The following SKOR2 variants were observed in gnomAD, a reference collection of about 807,000 sequenced individuals.
SKOR2 encodes the protein SKI family transcriptional corepressor 2.
A neutral mutation model predicts 69.1 loss-of-function variants in SKOR2; 47 were observed. That is an observed-to-expected ratio of 0.68 (90% CI 0.54 to 0.87). The LOEUF (loss-of-function observed/expected upper bound fraction) is 0.87, where lower values mean the gene tolerates loss of function less well. Ranked by LOEUF, SKOR2 falls within the 40% of genes least tolerant of loss-of-function variation. The pLI is 0.00. For synonymous variants in SKOR2, 717 were observed against 672.6 expected (o/e 1.07, Z -1.02); for missense variants, 1,404 against 1,472.2 (o/e 0.95, Z 0.76).
At chr18:47,227,209 T>TTCC (rs1159937194) in intron 6 of SKOR2, among the ~76,000 whole-genome samples, 5 of 151,310 alleles carry the variant, frequency 3.3e-5, no homozygotes, top group Non-Finnish European at 5.9e-5. Context: ...CCCTCTACCC[T>TTCC]TCCTCCTCCT....
chr18:47,250,785 A>G (rs1360505702), intron 1 of SKOR2, among the ~76,000 whole-genome samples: 2 of 152,142 alleles, frequency 1.3e-5, no homozygotes, highest in Admixed American at 6.5e-5. Context: ...ATCAGAGACA[A>G]TATTTCCAGG....
rs1166401245 is a variant in SKOR2, at chr18:47,219,956, T to G, written c.2972A>C (p.Gln991Pro). 1 of 1,535,986 alleles carries G rather than the reference T, an allele frequency of 6.5e-7. No homozygotes were observed. The highest frequency in any genetic ancestry group is 8.7e-7 in the Non-Finnish European group (1 of 1,146,888). ...RELAYREEMV[Q>P]QLQIIPYAAS... ...AATGCAGCTTACAATTTGTAACTGT[T>G]GCACCATTTCTTCTCGGTAGGCTAG... Residue 991 changes from glutamine to proline, a missense_variant, in exon 7 of 9, where the codon CAA becomes CCA. Gln to Pro is a moderately conservative substitution (Grantham distance 76). Around this residue, in one of 3 missense-constraint regions of SKOR2, gnomAD observed 1,266 missense variants for 1,309.9 expected, o/e 0.97. Transcript: ENST00000425639.
At chr18:47,227,885 C>G (rs2064184212) in intron 6 of SKOR2, among the ~76,000 whole-genome samples, 1 of 152,190 alleles carries the variant, frequency 6.6e-6, no homozygotes, top group South Asian at 2.1e-4. Flanking sequence ...GAACTCAGGT[C>G]TGGTCGATTT....
rs1471370696 is a variant in SKOR2 at position 47,248,453 on chromosome 18, A to T, written c.731T>A (p.Leu244Gln). 3 of 1,359,094 alleles carry T rather than the reference A, an allele frequency of 2.2e-6. No individual in the cohort carries two copies. Among genetic ancestry groups the T allele is most frequent in the East Asian group, 4.0e-5 (1 of 24,838 alleles). 84.2% of individuals were successfully genotyped at this position (1,359,094 alleles called of 1,614,324 possible). The change falls in exon 2 of 9, where the codon CTG becomes CAG. Residue 244 changes from leucine to glutamine, a missense_variant. This residue lies in a region of SKOR2 where 1,266 missense variants were observed against 1,309.9 expected (regional missense o/e 0.97). Transcript: ENST00000425639. This position sits in a 1 kb window ranked among gnomAD's most constrained non-coding sequence, Gnocchi z 6.4. ...GGCGGGGTGCGCGCCCGGCTGGGGC[A>T]GTGCGCGCTTGCGGCTGCCGCCGTT... is the stretch of plus-strand genomic sequence containing the variant. ...MFNGGSRKRA[L>Q]PQPGAHPACH... is the part of the protein sequence containing the mutation.
intron 7 of SKOR2, among the ~76,000 whole-genome samples, chr18:47,218,494 G>A (rs1195317229): frequency 6.6e-6 from 1 of 151,170 alleles, no homozygotes; most frequent in Non-Finnish European, 1.5e-5. Flanking sequence ...GGAGGCTGAG[G>A]TGGGAGGATT....
At chr18:47,223,153 C>A (rs991848064) in intron 6 of SKOR2, among the ~76,000 whole-genome samples, 2 of 151,778 alleles carry the variant, frequency 1.3e-5, no homozygotes, top group Non-Finnish European at 2.9e-5. Context: ...TGCAACATGT[C>A]AAAGAATTAA....
At chr18:47,251,022 G>A (rs962668838) in intron 1 of SKOR2, among the ~76,000 whole-genome samples, 1 of 151,164 alleles carries the variant, frequency 6.6e-6, no homozygotes, top group Non-Finnish European at 1.5e-5. Flanking sequence ...AGCCTTAGCA[G>A]CAGTAGACCA....
chr18:47,223,356 A>G (rs974406954), intron 6 of SKOR2, among the ~76,000 whole-genome samples: 2 of 152,220 alleles, frequency 1.3e-5, no homozygotes, highest in Non-Finnish European at 2.9e-5. Context: ...TAAGTTGGCA[A>G]AGATTAAATG....
intron 8 of SKOR2, among the ~76,000 whole-genome samples, chr18:47,207,776 T>C (rs1456507501): frequency 6.6e-6 from 1 of 152,208 alleles, no homozygotes; most frequent in Non-Finnish European, 1.5e-5. Context: ...TTCGTAGTAA[T>C]TATTCCAGAA....
chr18:47,248,131 G>A lies in SKOR2; in HGVS notation c.1053C>T (p.Gly351=). ...ASGGAGTGGG[G]AGGGCVAGVG... ...CGCCGGCCACACAGCCACCCCCAGC[G>A]CCGCCCCCACCAGTCCCCGCGCCGC... is the stretch of plus-strand genomic sequence containing the variant. Residue 351 remains glycine (G), a synonymous_variant, in exon 2 of 9, where the codon GGC becomes GGT. Transcript: ENST00000425639. The surrounding 1 kb of genome is among the most constrained non-coding windows in gnomAD (Gnocchi z 6.4). 1 of 1,294,582 alleles carries A rather than the reference G, an allele frequency of 7.7e-7. No homozygotes were observed. The highest frequency in any genetic ancestry group is 9.7e-7 in the Non-Finnish European group (1 of 1,030,170). The allele number at this position is 1,294,582 out of a possible 1,614,324, so 80.2% of individuals were successfully genotyped here.
At position 47,248,255 on chromosome 18, in the gene SKOR2, C is replaced by T. The variant is rs953374576; in HGVS notation, c.929G>A (p.Arg310His). 5.7e-6 allele frequency: 7 copies of T among 1,221,518 alleles called. No individual in the cohort carries two copies. Among genetic ancestry groups the T allele is most frequent in the African/African-American group, 1.6e-5 (1 of 63,360 alleles). 75.7% of individuals were successfully genotyped at this position (1,221,518 alleles called of 1,614,324 possible). ...CAAGGAGTCGTCGTCGTCGTCGAAG[C>T]GCGGCCGCTTGTGATGGGCGTGCGG... Reference protein sequence around the residue: ...GAPHAHHKRPRFDDDDDSLQE... With the variant: ...GAPHAHHKRPHFDDDDDSLQE... Residue 310 changes from arginine (R) to histidine (H), a missense_variant, in exon 2 of 9, where the codon CGC becomes CAC. Around this residue, in one of 3 missense-constraint regions of SKOR2, gnomAD observed 1,266 missense variants for 1,309.9 expected, o/e 0.97. Coordinates refer to ENST00000425639, the MANE Select transcript of SKOR2 (RefSeq NM_001278063.4). The surrounding 1 kb of genome is among the most constrained non-coding windows in gnomAD (Gnocchi z 6.4).
intron 7 of SKOR2, among the ~76,000 whole-genome samples, chr18:47,219,477 G>T (rs2064154373): frequency 6.6e-6 from 1 of 151,848 alleles, no homozygotes; most frequent in African/African-American, 2.4e-5. Flanking sequence ...CATTTCATTT[G>T]GAAATCATTT....
intron 1 of SKOR2, among the ~76,000 whole-genome samples, chr18:47,250,778 A>G (rs1297586159): frequency 3.9e-5 from 6 of 152,278 alleles, no homozygotes; most frequent in African/African-American, 1.4e-4. Flanking sequence ...TGGGTGGATC[A>G]GAGACAATAT....
Position 47,247,724 on chromosome 18 carries a change from G to A in SKOR2, c.1460C>T (p.Pro487Leu), listed in dbSNP as rs1301179268. The change falls in exon 2 of 9, where the codon CCC becomes CTC. Residue 487 changes from proline to leucine, a missense_variant. This residue lies in a region of SKOR2 where 1,266 missense variants were observed against 1,309.9 expected (regional missense o/e 0.97). Transcript: ENST00000425639. The surrounding 1 kb of genome is among the most constrained non-coding windows in gnomAD (Gnocchi z 6.6). ...TAGCGCCGAGGGCGGCTGAGGCGGG[G>A]GCTGCAGGTAGGTGGGCACCGGGAG... ...GGLPVPTYLQ[P>L]PPQPPSALGC... 6.5e-5 allele frequency: 88 copies of A among 1,362,142 alleles called. No homozygotes were observed. The highest frequency in any genetic ancestry group is 8.0e-5 in the Non-Finnish European group (85 of 1,067,484). The allele number at this position is 1,362,142 out of a possible 1,614,324, so 84.4% of individuals were successfully genotyped here.
rs1254643415 is a variant in SKOR2, at chr18:47,230,484, T to C, written c.2892A>G (p.Lys964=). The change falls in exon 6 of 9, where the codon AAA becomes AAG. Residue 964 remains lysine, a synonymous_variant. Coordinates refer to ENST00000425639, the MANE Select transcript of SKOR2 (RefSeq NM_001278063.4). The stretch of plus-strand genomic sequence containing the variant: ...TGAATACTGGGAAAGATGTGTTTCC[T>C]TTTAACACCTGGAATTCTTGTTCCA... ...RRLEQEFQVL[K]GNTSFPVFNN... 15 of 1,452,648 alleles carry C rather than the reference T, an allele frequency of 1.0e-5. No individual in the cohort carries two copies. The highest frequency in any genetic ancestry group is 1.4e-5 in the Non-Finnish European group (15 of 1,110,178). 90.0% of individuals were successfully genotyped at this position (1,452,648 alleles called of 1,614,324 possible). A position where few individuals can be genotyped will look rare whatever the true frequency, so the allele number is the denominator to read the frequency against.
At chr18:47,238,141 C>T (rs921562899) in intron 4 of SKOR2, among the ~76,000 whole-genome samples, 1 of 151,972 alleles carries the variant, frequency 6.6e-6, no homozygotes, top group Non-Finnish European at 1.5e-5. Flanking sequence ...TTATGTCCTC[C>T]CAGTACTATT....
intron 4 of SKOR2, among the ~76,000 whole-genome samples, chr18:47,243,958 A>G (rs2064259956): frequency 6.6e-6 from 1 of 152,224 alleles, no homozygotes; most frequent in Non-Finnish European, 1.5e-5. Flanking sequence ...TATTCATGAA[A>G]TAATTTGGAA....
chr18:47,210,343 T>C (rs1360159429), intron 8 of SKOR2, among the ~76,000 whole-genome samples: 1 of 152,170 alleles, frequency 6.6e-6, no homozygotes, highest in Non-Finnish European at 1.5e-5. Context: ...TGTTTGTGTA[T>C]GTGTGTGTTT....
Position 47,251,475 on chromosome 18 carries a change from G to C in SKOR2, c.-149C>G, listed in dbSNP as rs756761980. 2 of 152,358 alleles carry C rather than the reference G, an allele frequency of 1.3e-5. No individual in the cohort carries two copies. The highest frequency in any genetic ancestry group is 2.9e-5 in the Non-Finnish European group (2 of 68,152). The allele number at this position is 152,358 out of a possible 1,614,324, so 9.4% of individuals were successfully genotyped here. A position where few individuals can be genotyped will look rare whatever the true frequency, so the allele number is the denominator to read the frequency against. ...GCGGGTCCTCGTATCCAGCGGGCGG[G>C]ACTCTGGCGGGCTCCGCGCGAAGAT... On this transcript the variant is annotated 5_prime_UTR_variant, in exon 1 of 9. Transcript: ENST00000425639.
Sources: allele counts gnomAD v4.1 joint callset (sites outside exome capture counted in the v4.1 genomes callset), GRCh38; gene constraint gnomAD v4.1.1; regional missense constraint gnomAD v4.1.1; non-coding constraint Gnocchi (gnomAD v3.1); transcripts MANE v1.5; gene names NCBI Gene and HGNC (gene_info 2026-07-23, HGNC 2026-07-21).